Variants in NKAIN3 observed in about 807,000 individuals in gnomAD.
The protein encoded by NKAIN3 is sodium/potassium transporting ATPase interacting 3.
A neutral mutation model predicts 30.2 loss-of-function variants in NKAIN3; 25 were observed. The observed-to-expected ratio is 0.83, with a 90% CI of 0.60 to 1.16. The LOEUF (loss-of-function observed/expected upper bound fraction) is 1.16, where lower values mean the gene tolerates loss of function less well. Ranked by LOEUF, NKAIN3 falls within the 50% of genes most tolerant of loss-of-function variation. NKAIN3 has a pLI of 0.00. For synonymous variants in NKAIN3, 91 were observed against 89.6 expected (o/e 1.02, Z -0.09); for missense variants, 225 against 254.1 (o/e 0.89, Z 0.78).
intron 1 of NKAIN3, among the ~76,000 whole-genome samples, chr8:62,519,741 A>G (rs1165580506): frequency 6.6e-6 from 1 of 152,172 alleles, no homozygotes; most frequent in Non-Finnish European, 1.5e-5. Flanking sequence ...TCAAGGTATA[A>G]CACTGCTCTT....
At chr8:62,402,299 A>C (rs1438638984) in intron 1 of NKAIN3, among the ~76,000 whole-genome samples, 1 of 152,084 alleles carries the variant, frequency 6.6e-6, no homozygotes, top group Admixed American at 6.6e-5. Flanking sequence ...CCAGGCCTGG[A>C]ACTCTCTTTT....
intron 4 of NKAIN3, among the ~76,000 whole-genome samples, chr8:62,859,508 T>TAAAAAAAAAAAAAAAAACAAAAAA (rs531859546): frequency 1.7e-5 from 1 of 60,436 alleles, no homozygotes; most frequent in Admixed American, 2.1e-4. Flanking sequence ...TTACTTCAAC[T>TAAAAAAAAAAAAAAAAACAAAAAA]AAAAAAAAAA....
In NKAIN3 at chr8:62,564,263, A is replaced by C. The variant is rs115649912; in HGVS notation, c.55-15276A>C. Among the ~76,000 whole-genome samples, 276 of 152,210 alleles carry C rather than the reference A, an allele frequency of 1.8e-3. 2 individuals carry two copies. The highest frequency in any genetic ancestry group is 6.4e-3 in the African/African-American group (265 of 41,530). On this transcript the variant is annotated intron_variant, in intron 1 of 6. Transcript: ENST00000623646. ...GTCCCTCCTCTAAATCCCTTTGGCCACAGTTTGAGTTCACATCCATGCCAT... is the reference window on the plus strand; with the variant it reads ...GTCCCTCCTCTAAATCCCTTTGGCCCCAGTTTGAGTTCACATCCATGCCAT...
In NKAIN3 at chr8:62,400,172, T is replaced by C. The variant is rs1292870787; in HGVS notation, c.54+151045T>C. ...GTAGATGCTATATTTTCTTTTTTTT[T>C]TTTTTTTTTTTGAGACAGAGTTTCA... is the stretch of plus-strand genomic sequence containing the variant. On this transcript the variant is annotated intron_variant, in intron 1 of 6. Transcript: ENST00000623646. Among the ~76,000 whole-genome samples the C allele has an allele frequency of 4.1e-5, 6 of 147,578 alleles. No homozygotes were observed. The East Asian group carries it at 5.9e-4, about 14-fold the overall frequency.
At chr8:62,652,083 A>C (rs1302821059) in intron 3 of NKAIN3, among the ~76,000 whole-genome samples, 1 of 152,092 alleles carries the variant, frequency 6.6e-6, no homozygotes, top group Non-Finnish European at 1.5e-5. Context: ...AGGGTCTCAA[A>C]ATTTTAGAAG....
chr8:62,420,430 G>T (rs943335032), intron 1 of NKAIN3, among the ~76,000 whole-genome samples: 1 of 152,018 alleles, frequency 6.6e-6, no homozygotes, highest in East Asian at 1.9e-4. Context: ...TGGTATTTCC[G>T]TGTTACACAT....
chr8:62,313,635 G>A (rs1351914739), intron 1 of NKAIN3, among the ~76,000 whole-genome samples: 2 of 152,104 alleles, frequency 1.3e-5, no homozygotes, highest in Non-Finnish European at 2.9e-5. Flanking sequence ...TAGATGCAAA[G>A]GGATGAATGC....
intron 1 of NKAIN3, among the ~76,000 whole-genome samples, chr8:62,440,087 A>G (rs1419823804): frequency 1.3e-5 from 2 of 152,026 alleles, no homozygotes; most frequent in Admixed American, 6.6e-5. Flanking sequence ...GGTGCGTTTT[A>G]TTTACTCCTT....
chr8:62,542,381 G>T (rs1438127664), intron 1 of NKAIN3, among the ~76,000 whole-genome samples: 1 of 151,654 alleles, frequency 6.6e-6, no homozygotes, highest in African/African-American at 2.4e-5. Flanking sequence ...ACTGTTCTTT[G>T]TTTTTTTTGG....
chr8:62,712,207 G>A (rs762699334), intron 3 of NKAIN3, among the ~76,000 whole-genome samples: 29 of 152,126 alleles, frequency 1.9e-4, no homozygotes, highest in East Asian at 5.8e-4. Context: ...ATTTTTGTGC[G>A]GTTGGCCTCC....
At chr8:62,746,210 C>T (rs1816063782) in intron 3 of NKAIN3, among the ~76,000 whole-genome samples, 1 of 152,184 alleles carries the variant, frequency 6.6e-6, no homozygotes, top group African/African-American at 2.4e-5. Flanking sequence ...CTGCCACATC[C>T]CAGTCTCTGC....
intron 4 of NKAIN3, among the ~76,000 whole-genome samples, chr8:62,859,139 G>A (rs1015535214): frequency 6.6e-6 from 1 of 152,158 alleles, no homozygotes; most frequent in Admixed American, 6.5e-5. Flanking sequence ...GTTTCCCAGG[G>A]TCGCACAATC....
intron 1 of NKAIN3, among the ~76,000 whole-genome samples, chr8:62,329,095 A>G (rs935460901): frequency 6.6e-6 from 1 of 151,914 alleles, no homozygotes; most frequent in South Asian, 2.1e-4. Flanking sequence ...CATGGAAGTG[A>G]GCTGAGAAGT....
At chr8:62,938,569 C>A (rs1464384536) in intron 5 of NKAIN3, among the ~76,000 whole-genome samples, 1 of 151,458 alleles carries the variant, frequency 6.6e-6, no homozygotes, top group African/African-American at 2.5e-5. Context: ...CAGTTCACAC[C>A]ATAGGACTCT....
intron 1 of NKAIN3, among the ~76,000 whole-genome samples, chr8:62,345,697 A>G (rs1307629099): frequency 6.6e-6 from 1 of 151,520 alleles, no homozygotes; most frequent in Non-Finnish European, 1.5e-5. Flanking sequence ...ACTATATATA[A>G]TCAGGTCATC....
At chr8:62,574,939 T>A (rs1810063398) in intron 1 of NKAIN3, among the ~76,000 whole-genome samples, 1 of 148,370 alleles carries the variant, frequency 6.7e-6, no homozygotes, top group Non-Finnish European at 1.5e-5. Flanking sequence ...TAAAAACCTT[T>A]AAAAAAAAAA....
chr8:62,458,426 G>GTAA (rs2129599308), intron 1 of NKAIN3, among the ~76,000 whole-genome samples: 1 of 152,348 alleles, frequency 6.6e-6, no homozygotes, highest in East Asian at 1.9e-4. Flanking sequence ...AGACTGCAGA[G>GTAA]TAATGTGTGT....
At chr8:62,958,419 A>G (rs1426201635) in intron 6 of NKAIN3, among the ~76,000 whole-genome samples, 1 of 142,670 alleles carries the variant, frequency 7.0e-6, no homozygotes. Flanking sequence ...GTCTCACCAT[A>G]ACTGCCATGG....
chr8:62,912,556 A>C (rs1482274660), intron 4 of NKAIN3, among the ~76,000 whole-genome samples: 1 of 152,160 alleles, frequency 6.6e-6, no homozygotes, highest in African/African-American at 2.4e-5. Flanking sequence ...TTTTCTTTAC[A>C]TCCTTATTTA....
Sources: allele counts gnomAD v4.1 joint callset (sites outside exome capture counted in the v4.1 genomes callset), GRCh38; gene constraint gnomAD v4.1.1; transcripts MANE v1.5; gene names NCBI Gene and HGNC (gene_info 2026-07-23, HGNC 2026-07-21).